STPG1: variants seen among roughly 807,000 people sequenced by gnomAD.
The protein encoded by STPG1 is O(6)-methylguanine-induced apoptosis 2.
A neutral mutation model predicts 40.1 loss-of-function variants in STPG1; 33 were observed. The observed-to-expected ratio is 0.82, with a 90% CI of 0.62 to 1.10. The LOEUF is 1.10. STPG1 is among the 50% of genes least tolerant of loss of function. STPG1 has a pLI of 0.00. For synonymous variants in STPG1, 150 were observed against 155.0 expected (o/e 0.97, Z 0.24); for missense variants, 396 against 415.1 (o/e 0.95, Z 0.40).
chr1:24,366,927 G>A (rs1219520860), intron 7 of STPG1, among the ~76,000 whole-genome samples: 1 of 152,188 alleles, frequency 6.6e-6, no homozygotes, highest in Admixed American at 6.5e-5. Flanking sequence ...AGATGCCTGT[G>A]CAGACTGCGA....
At position 24,379,574 on chromosome 1, in the gene STPG1, C is replaced by T. The variant is rs776334999; in HGVS notation, c.462+79G>A. 4.0e-6 allele frequency: 6 copies of T among 1,500,308 alleles called. No individual in the cohort carries two copies. The South Asian group carries it at 5.7e-5, about 14-fold the overall frequency. The allele number at this position is 1,500,308 out of a possible 1,614,324, so 92.9% of individuals were successfully genotyped here. A position where few individuals can be genotyped will look rare whatever the true frequency, so the allele number is the denominator to read the frequency against. ...TGACAACTGCATTAAAATACGATGT[C>T]CCCAAGATCCCCTCTTCCTTTTATT... On this transcript the variant is annotated intron_variant, in intron 5 of 8. Coordinates refer to ENST00000337248, the MANE Select transcript of STPG1 (RefSeq NM_001199013.2).
At chr1:24,409,242 C>T (rs944866786) in intron 1 of STPG1, among the ~76,000 whole-genome samples, 2 of 152,130 alleles carry the variant, frequency 1.3e-5, no homozygotes, top group African/African-American at 4.8e-5. Flanking sequence ...TGCCTGTAGT[C>T]CCAGCTACCT....
At position 24,376,952 on chromosome 1, in the gene STPG1, G is replaced by A. The variant is rs573606410; in HGVS notation, c.462+2701C>T. 1.1e-3 allele frequency among the ~76,000 whole-genome samples: 161 copies of A among 152,216 alleles called. 1 individual carries two copies. The highest frequency in any genetic ancestry group is 3.5e-3 in the African/African-American group (144 of 41,532). On this transcript the variant is annotated intron_variant, in intron 5 of 8. Transcript: ENST00000337248. ...TCCATTCACCACACAGCAGCTGGAA[G>A]GAACTTTTTAAAAAATATGTCAGAT...
chr1:24,369,276 C>T (rs1641615009), intron 7 of STPG1: 4 of 444,428 alleles, frequency 9.0e-6, no homozygotes, highest in Non-Finnish European at 1.4e-5. Context: ...AGAACAATGT[C>T]AGCACCAGGG....
At chr1:24,395,001 T>A (rs1037179096) in intron 2 of STPG1, among the ~76,000 whole-genome samples, 6 of 151,670 alleles carry the variant, frequency 4.0e-5, no homozygotes, top group Non-Finnish European at 5.9e-5. Flanking sequence ...ACAAGAAACA[T>A]GAAGAAAATG....
chr1:24,408,204 T>C (rs1205582369), intron 1 of STPG1, among the ~76,000 whole-genome samples: 3 of 152,246 alleles, frequency 2.0e-5, no homozygotes, highest in African/African-American at 7.2e-5. Flanking sequence ...GGGAATAATT[T>C]ATCCCCACTA....
At chr1:24,389,386 C>A (rs1319501695) in intron 3 of STPG1, among the ~76,000 whole-genome samples, 1 of 152,046 alleles carries the variant, frequency 6.6e-6, no homozygotes, top group Non-Finnish European at 1.5e-5. Context: ...GCTTTGCGGG[C>A]CACAAAGGCA....
In STPG1 at chr1:24,413,719, T is replaced by G. The variant is rs1643867036; in HGVS notation, c.-114A>C. On this transcript the variant is annotated 5_prime_UTR_variant, in exon 1 of 9. Transcript: ENST00000337248. ...GAATCTGGCCAGCCCAACCTCCCGG[T>G]CGCTATGGCACCCACAGGCCTAACA... The G allele has an allele frequency of 6.6e-6, 1 of 152,270 alleles. No homozygotes were observed. The highest frequency in any genetic ancestry group is 1.5e-5 in the Non-Finnish European group (1 of 68,104). 9.4% of individuals were successfully genotyped at this position (152,270 alleles called of 1,614,324 possible). A position where few individuals can be genotyped will look rare whatever the true frequency, so the allele number is the denominator to read the frequency against.
chr1:24,360,441 G>A (rs780261657), intron 8 of STPG1, among the ~76,000 whole-genome samples: 20 of 152,042 alleles, frequency 1.3e-4, no homozygotes, highest in East Asian at 1.9e-4. Flanking sequence ...GCGAGACTCC[G>A]TCTCAAAAAA....
intron 2 of STPG1, 60 bp from the exon 3 acceptor site, chr1:24,391,739 G>A: frequency 7.4e-7 from 1 of 1,355,936 alleles, no homozygotes; most frequent in Non-Finnish European, 1.0e-6. Context: ...GACAAATGTG[G>A]AAAACACAAA....
At chr1:24,413,471 A>G (rs1180134703) in intron 1 of STPG1, among the ~76,000 whole-genome samples, 1 of 152,252 alleles carries the variant, frequency 6.6e-6, no homozygotes, top group Non-Finnish European at 1.5e-5. Context: ...GGGTGGAAAC[A>G]CCGAGGACAC....
Position 24,359,657 on chromosome 1 carries a change from C to T in STPG1, c.929-1038G>A, listed in dbSNP as rs1415149340. ...GGGGCCCAGGTCATCTTGGCTCCCT[C>T]GCACGGGAGCATCGTCAACACTCAC... On this transcript the variant is annotated intron_variant, in intron 8 of 8. Transcript: ENST00000337248. This position sits in a 1 kb window ranked among gnomAD's most constrained non-coding sequence, Gnocchi z 5.3. 2.0e-5 allele frequency among the ~76,000 whole-genome samples: 3 copies of T among 152,308 alleles called. No individual in the cohort carries two copies. Among genetic ancestry groups the T allele is most frequent in the East Asian group, 3.9e-4 (2 of 5,174 alleles).
chr1:24,383,969 A>G lies in STPG1; in HGVS notation c.224T>C (p.Ile75Thr). ...DIPGPGFYNV[I>T]HQSPVSNSVS... ...ACTGTTGGACACCGGTGACTGGTGA[A>G]TAACATTGTAGAACCCAGGTCCTGG... is the stretch of plus-strand genomic sequence containing the variant. Residue 75 changes from isoleucine to threonine, a missense_variant, in exon 4 of 9, where the codon ATT becomes ACT. Coordinates refer to ENST00000337248, the MANE Select transcript of STPG1 (RefSeq NM_001199013.2). 6.2e-7 allele frequency: 1 copy of G among 1,613,972 alleles called. No individual in the cohort carries two copies. The highest frequency in any genetic ancestry group is 8.5e-7 in the Non-Finnish European group (1 of 1,179,798).
At chr1:24,362,738 C>A (rs907908812) in intron 7 of STPG1, among the ~76,000 whole-genome samples, 4 of 152,136 alleles carry the variant, frequency 2.6e-5, no homozygotes, top group Non-Finnish European at 5.9e-5. Flanking sequence ...CAGGGGACAC[C>A]CCCCTGGTCA....
chr1:24,361,676 G>A (rs2148676624), intron 7 of STPG1, among the ~76,000 whole-genome samples: 1 of 152,246 alleles, frequency 6.6e-6, no homozygotes, highest in African/African-American at 2.4e-5. Context: ...AAGAGACTCT[G>A]CATAACCCTT....
intron 5 of STPG1, 63 bp from the exon 6 acceptor site, chr1:24,373,873 G>T: frequency 8.3e-7 from 1 of 1,203,832 alleles, no homozygotes; most frequent in Non-Finnish European, 1.2e-6. Flanking sequence ...TCGTCATCAT[G>T]CCTGGACAAG....
intron 7 of STPG1, 37 bp from the exon 8 acceptor site, chr1:24,361,078 C>A (rs1641081850): frequency 7.1e-6 from 11 of 1,555,600 alleles, no homozygotes; most frequent in Non-Finnish European, 9.6e-6. Context: ...GTCACTAAGG[C>A]AGTCTAGTGG....
chr1:24,367,701 A>G (rs903787010), intron 7 of STPG1, among the ~76,000 whole-genome samples: 2 of 152,008 alleles, frequency 1.3e-5, no homozygotes, highest in African/African-American at 4.8e-5. Context: ...TTTAGTAGAG[A>G]TGGGGTTTTG....
rs12122959 is a variant in STPG1 at position 24,357,342 on chromosome 1, C to T, written c.*1201G>A. ...TCTGCGTGTACAAAGTTCCCACCTC[C>T]TGAACTTCCCACCCAGCTCCCCTCC... On this transcript the variant is annotated 3_prime_UTR_variant, in exon 9 of 9. Transcript: ENST00000337248. The T allele has an allele frequency of 6.6e-6, 1 of 152,262 alleles. No homozygotes were observed. Among genetic ancestry groups the T allele is most frequent in the Non-Finnish European group, 1.5e-5 (1 of 68,086 alleles). 9.4% of individuals were successfully genotyped at this position (152,262 alleles called of 1,614,324 possible). A position where few individuals can be genotyped will look rare whatever the true frequency, so the allele number is the denominator to read the frequency against.
Sources: allele counts gnomAD v4.1 joint callset (sites outside exome capture counted in the v4.1 genomes callset), GRCh38; gene constraint gnomAD v4.1.1; non-coding constraint Gnocchi (gnomAD v3.1); transcripts MANE v1.5; gene names NCBI Gene and HGNC (gene_info 2026-07-23, HGNC 2026-07-21).